ARL15: variants seen among roughly 807,000 people sequenced by gnomAD.
ARL15 encodes ADP-ribosylation factor-like protein 15.
ARL15 carries 19 observed loss-of-function variants against 25.2 expected under a neutral mutation model. That is an observed-to-expected ratio of 0.75 (90% confidence interval 0.53 to 1.10). The LOEUF is 1.10. Ranked by LOEUF, ARL15 falls within the 50% of genes least tolerant of loss-of-function variation. ARL15 has a pLI of 0.00. For missense variants in ARL15, 220 were observed against 246.0 expected (o/e 0.89, Z 0.71); for synonymous variants, 94 against 86.8 (o/e 1.08, Z -0.46).
chr5:53,984,800 G>A (rs1436320184), intron 4 of ARL15, among the ~76,000 whole-genome samples: 1 of 151,898 alleles, frequency 6.6e-6, no homozygotes, highest in Admixed American at 6.6e-5. Flanking sequence ...TATACATTCA[G>A]CCCAACTTCC....
chr5:53,964,927 G>A (rs7726524), intron 4 of ARL15, among the ~76,000 whole-genome samples: 22,590 of 152,120 alleles, frequency 0.15, 1,828 homozygotes, highest in African/African-American at 0.2. Context: ...GAAGGTAAGC[G>A]ACTTATTCCA....
intron 4 of ARL15, among the ~76,000 whole-genome samples, chr5:53,930,141 C>A (rs1185217515): frequency 3.9e-5 from 6 of 152,124 alleles, no homozygotes; most frequent in Non-Finnish European, 2.9e-5. Context: ...AAAATATTTT[C>A]ATAATAAATC....
chr5:53,968,341 C>G (rs1401733617), intron 4 of ARL15, among the ~76,000 whole-genome samples: 1 of 152,088 alleles, frequency 6.6e-6, no homozygotes, highest in Admixed American at 6.5e-5. Flanking sequence ...AACATAAAAG[C>G]ACAGATTTAA....
At chr5:54,167,475 A>C (rs1237860533) in intron 2 of ARL15, among the ~76,000 whole-genome samples, 2 of 152,192 alleles carry the variant, frequency 1.3e-5, no homozygotes, top group African/African-American at 4.8e-5. Flanking sequence ...CTCAGGGATA[A>C]CTGCGTTTCC....
At chr5:54,140,804 G>C (rs1368799197) in intron 3 of ARL15, among the ~76,000 whole-genome samples, 2 of 152,146 alleles carry the variant, frequency 1.3e-5, no homozygotes, top group African/African-American at 4.8e-5. Flanking sequence ...AAGATGATTT[G>C]AAACTGCAAA....
intron 4 of ARL15, among the ~76,000 whole-genome samples, chr5:54,097,596 A>G (rs1377289579): frequency 6.6e-6 from 1 of 152,224 alleles, no homozygotes; most frequent in Non-Finnish European, 1.5e-5. Flanking sequence ...TCTTTTGAAT[A>G]TGAAGAAAAT....
rs887867658 is a variant in ARL15, at chr5:53,886,609, C to A, written c.567G>T (p.Gln189His). 5 of 1,563,244 alleles carry A rather than the reference C, an allele frequency of 3.2e-6. No homozygotes were observed. Among genetic ancestry groups the A allele is most frequent in the Middle Eastern group, 3.3e-4 (2 of 6,030 alleles). The change falls in exon 5 of 5, where the codon CAG becomes CAT. Residue 189 changes from glutamine to histidine, a missense_variant. Gln to His is a conservative substitution (Grantham distance 24). Coordinates refer to ENST00000504924, the MANE Select transcript of ARL15 (RefSeq NM_019087.3). ...CTTTTTCTTCTAACAAATTAATCAG[C>A]TGAGAGAAGCTGTCTTTCAGTGCAT... ...DMDALKDSFS[Q>H]LINLLEEKDH... is the part of the protein sequence containing the mutation.
chr5:54,093,920 C>A (rs1752207350), intron 4 of ARL15, among the ~76,000 whole-genome samples: 1 of 152,130 alleles, frequency 6.6e-6, no homozygotes, highest in African/African-American at 2.4e-5. Context: ...TATGTGCATG[C>A]AACACACACA....
At chr5:54,099,550 T>C (rs1366814225) in intron 4 of ARL15, among the ~76,000 whole-genome samples, 1 of 152,156 alleles carries the variant, frequency 6.6e-6, no homozygotes, top group African/African-American at 2.4e-5. Context: ...TTAAGTACCC[T>C]CAAAGGAATA....
chr5:53,973,149 C>T (rs544158784), intron 4 of ARL15, among the ~76,000 whole-genome samples: 16 of 152,024 alleles, frequency 1.1e-4, no homozygotes, highest in Admixed American at 2.6e-4. Context: ...TATGAGAAAT[C>T]GAAGCATAAA....
At chr5:54,222,983 A>ATTTTT (rs35959438) in intron 1 of ARL15, among the ~76,000 whole-genome samples, 1 of 127,112 alleles carries the variant, frequency 7.9e-6, no homozygotes, top group Non-Finnish European at 1.6e-5. Context: ...CTATGCCTGG[A>ATTTTT]TTTTTTTTTT....
At chr5:54,024,741 T>C (rs1749729616) in intron 4 of ARL15, among the ~76,000 whole-genome samples, 1 of 152,108 alleles carries the variant, frequency 6.6e-6, no homozygotes, top group Non-Finnish European at 1.5e-5. Context: ...TATTACTCAA[T>C]AATCTGGATA....
chr5:54,206,857 T>C lies in ARL15; in HGVS notation c.49-34929A>G, dbSNP rs533901928. 8.5e-5 allele frequency among the ~76,000 whole-genome samples: 13 copies of C among 152,324 alleles called. No individual in the cohort carries two copies. The East Asian group carries it at 2.3e-3, about 27-fold the overall frequency. ...TTCAAATGACTTCTAATAATGTCTC[T>C]GATACAAAATCATAATGAATATACA... On this transcript the variant is annotated intron_variant, in intron 1 of 4. Coordinates refer to ENST00000504924, the MANE Select transcript of ARL15 (RefSeq NM_019087.3).
chr5:53,967,585 CAA>C (rs1747605121), intron 4 of ARL15, among the ~76,000 whole-genome samples: 1 of 150,520 alleles, frequency 6.6e-6, no homozygotes, highest in African/African-American at 2.4e-5. Flanking sequence ...GGTAGAAAAA[CAA>C]TAGGTAAAAA....
intron 1 of ARL15, among the ~76,000 whole-genome samples, chr5:54,184,255 A>AT (rs1755158153): frequency 4.0e-5 from 1 of 24,984 alleles, no homozygotes; most frequent in Non-Finnish European, 7.3e-5. Flanking sequence ...ATAATAAAAA[A>AT]AAAATCAAAA....
At chr5:54,218,451 C>T (rs1756277570) in intron 1 of ARL15, among the ~76,000 whole-genome samples, 2 of 152,118 alleles carry the variant, frequency 1.3e-5, no homozygotes, top group African/African-American at 4.8e-5. Context: ...TCACTATATC[C>T]TCTAATGACA....
chr5:53,914,562 T>C (rs1016330561), intron 4 of ARL15, among the ~76,000 whole-genome samples: 1 of 152,084 alleles, frequency 6.6e-6, no homozygotes, highest in African/African-American at 2.4e-5. Flanking sequence ...TCATTTCCCC[T>C]CTCCCCTGCT....
chr5:53,951,958 T>C (rs935976927), intron 4 of ARL15, among the ~76,000 whole-genome samples: 2 of 151,676 alleles, frequency 1.3e-5, no homozygotes, highest in Non-Finnish European at 2.9e-5. Flanking sequence ...TGCTGTGATT[T>C]TGGAAATTGT....
chr5:54,093,602 T>A (rs1445218206), intron 4 of ARL15, among the ~76,000 whole-genome samples: 1 of 151,906 alleles, frequency 6.6e-6, no homozygotes, highest in Admixed American at 6.6e-5. Flanking sequence ...GCACATAGTC[T>A]ACCCATTAAA....
Sources: allele counts gnomAD v4.1 joint callset (sites outside exome capture counted in the v4.1 genomes callset), GRCh38; gene constraint gnomAD v4.1.1; transcripts MANE v1.5; gene names NCBI Gene and HGNC (gene_info 2026-07-23, HGNC 2026-07-21).